The following PEAK1 variants were observed in gnomAD, a reference collection of about 807,000 sequenced individuals.
PEAK1 encodes inactive tyrosine-protein kinase PEAK1.
In PEAK1, 54 loss-of-function variants were observed where a neutral mutation model predicts 124.7. The observed-to-expected ratio is 0.43, with a 90% CI of 0.35 to 0.54. The LOEUF is 0.54. PEAK1 is among the 20% of genes least tolerant of loss of function. The probability of loss-of-function intolerance (pLI) is 0.01; values close to 1 mark genes in which losing one functional copy is unlikely to be tolerated. For missense variants in PEAK1, 2,046 were observed against 2,134.5 expected (o/e 0.96, Z 0.82); for synonymous variants, 719 against 760.0 (o/e 0.95, Z 0.89).
intron 1 of PEAK1, among the ~76,000 whole-genome samples, chr15:77,409,400 G>C (rs2072211096): frequency 6.6e-6 from 1 of 151,992 alleles, no homozygotes; most frequent in South Asian, 2.1e-4. Flanking sequence ...AGAAAACTAA[G>C]GCACCAGGAA....
intron 6 of PEAK1, among the ~76,000 whole-genome samples, chr15:77,198,356 A>G (rs904648227): frequency 2.0e-5 from 3 of 152,228 alleles, no homozygotes; most frequent in Admixed American, 6.5e-5. Flanking sequence ...TAAACCTTAA[A>G]TAACACATAG....
intron 1 of PEAK1, among the ~76,000 whole-genome samples, chr15:77,386,363 A>G (rs927262412): frequency 1.3e-5 from 2 of 152,194 alleles, no homozygotes; most frequent in African/African-American, 4.8e-5. Flanking sequence ...TTCTTCATCA[A>G]TATTTGAATT....
At chr15:77,297,882 C>T (rs796278820) in intron 2 of PEAK1, among the ~76,000 whole-genome samples, 38 of 149,310 alleles carry the variant, frequency 2.5e-4, no homozygotes, top group African/African-American at 9.0e-4. Flanking sequence ...CAAGGTGAAA[C>T]CCCGTCTCTA....
At chr15:77,203,031 T>TAAAAAAA in intron 6 of PEAK1, among the ~76,000 whole-genome samples, 1 of 147,904 alleles carries the variant, frequency 6.8e-6, no homozygotes, top group African/African-American at 2.5e-5. Context: ...AGCCAGACCC[T>TAAAAAAA]GTCTCAGAAA....
chr15:77,287,954 C>CT (rs1364330043), intron 2 of PEAK1, among the ~76,000 whole-genome samples: 2 of 152,058 alleles, frequency 1.3e-5, no homozygotes, highest in Non-Finnish European at 2.9e-5. Flanking sequence ...AATTCCATCC[C>CT]TATTAATAGT....
At chr15:77,197,120 C>A (rs578143015) in intron 6 of PEAK1, among the ~76,000 whole-genome samples, 70 of 151,908 alleles carry the variant, frequency 4.6e-4, no homozygotes, top group Middle Eastern at 3.4e-3. Flanking sequence ...CCCATAGTGC[C>A]GGGATTACAG....
intron 6 of PEAK1, among the ~76,000 whole-genome samples, chr15:77,240,116 A>T (rs182260873): frequency 6.6e-5 from 10 of 152,316 alleles, no homozygotes; most frequent in African/African-American, 2.4e-4. Flanking sequence ...TACTAGCAAA[A>T]CACAGTGATG....
chr15:77,391,578 AAT>A (rs1366079161), intron 1 of PEAK1, among the ~76,000 whole-genome samples: 3 of 151,960 alleles, frequency 2.0e-5, no homozygotes, highest in South Asian at 4.1e-4. Context: ...AATGAAAAGC[AAT>A]ATGATTTGAT....
chr15:77,349,673 C>A, intron 2 of PEAK1: 3 of 984,710 alleles, frequency 3.0e-6, no homozygotes, highest in Non-Finnish European at 3.6e-6. Flanking sequence ...TTAATCAATC[C>A]TTTACATTGT....
chr15:77,414,597 C>CA (rs1170583835), intron 1 of PEAK1, among the ~76,000 whole-genome samples: 1 of 152,098 alleles, frequency 6.6e-6, no homozygotes, highest in Non-Finnish European at 1.5e-5. Context: ...ATCCTGGTTC[C>CA]ATCACTTGAC....
chr15:77,176,215 C>T (rs2056858999), intron 7 of PEAK1, among the ~76,000 whole-genome samples: 1 of 135,848 alleles, frequency 7.4e-6, no homozygotes, highest in South Asian at 2.3e-4. Flanking sequence ...AACTAACCTG[C>T]ACATTGTGCA....
chr15:77,207,366 A>C (rs1458856946), intron 6 of PEAK1, among the ~76,000 whole-genome samples: 2 of 152,208 alleles, frequency 1.3e-5, no homozygotes, highest in Admixed American at 1.3e-4. Context: ...ACAACCAACA[A>C]AATCTCAATT....
intron 8 of PEAK1, among the ~76,000 whole-genome samples, chr15:77,144,256 T>A (rs1300768214): frequency 6.6e-6 from 1 of 152,234 alleles, no homozygotes; most frequent in Non-Finnish European, 1.5e-5. Context: ...TTCCTATGAA[T>A]CACTCATTTC....
rs1328879286 is a variant in PEAK1 at position 77,214,358 on chromosome 15, TGTAATCCCA to T, written c.-114-32327_-114-32319del. On this transcript the variant is annotated intron_variant, in intron 6 of 9. Coordinates refer to ENST00000682557, the MANE Select transcript of PEAK1 (RefSeq NM_001385026.1). ...TAGGCTGGGCGCGGTGGCTCACGTC[TGTAATCCCA>T]GTACTTTGGGAGGCTGAGGTGGGCA... Among the ~76,000 whole-genome samples, 3 of 151,846 alleles carry T rather than the reference TGTAATCCCA, an allele frequency of 2.0e-5. 1 individual carries two copies. The highest frequency in any genetic ancestry group is 6.6e-5 in the Admixed American group (1 of 15,244).
intron 9 of PEAK1, among the ~76,000 whole-genome samples, chr15:77,128,224 C>T (rs915041561): frequency 6.6e-6 from 1 of 152,084 alleles, no homozygotes; most frequent in Non-Finnish European, 1.5e-5. Flanking sequence ...TGGGATTATA[C>T]CAGCAAAGAC....
chr15:77,230,388 C>G (rs774748842), intron 6 of PEAK1, among the ~76,000 whole-genome samples: 7 of 151,982 alleles, frequency 4.6e-5, no homozygotes, highest in Non-Finnish European at 8.8e-5. Context: ...TTAGTAGAGA[C>G]AGGGTTTCAC....
At chr15:77,282,392 A>G (rs1253710857) in intron 5 of PEAK1, among the ~76,000 whole-genome samples, 3 of 152,340 alleles carry the variant, frequency 2.0e-5, no homozygotes, top group Admixed American at 6.5e-5. Flanking sequence ...ATTTGTCAAC[A>G]TGACTCATTA....
rs1212310181 is a variant in PEAK1, at chr15:77,181,728, T to C, written c.199A>G (p.Lys67Glu). Residue 67 changes from lysine (K) to glutamate (E), a missense_variant, in exon 7 of 10, where the codon AAA becomes GAA. Physicochemically the swap from Lys to Glu is moderately conservative, Grantham distance 56 (BLOSUM62 1). Coordinates refer to ENST00000682557, the MANE Select transcript of PEAK1 (RefSeq NM_001385026.1). ...NTGNFRPPVAKKPTIAVKPTM... is the reference protein window; with the variant it reads ...NTGNFRPPVAEKPTIAVKPTM... The stretch of plus-strand genomic sequence containing the variant: ...GGCTTCACAGCTATAGTGGGTTTTT[T>C]AGCCACAGGAGGCCGGAAATTGCCC... 8 of 1,614,138 alleles carry C rather than the reference T, an allele frequency of 5.0e-6. No homozygotes were observed. Among genetic ancestry groups the C allele is most frequent in the Non-Finnish European group, 6.8e-6 (8 of 1,180,014 alleles).
intron 2 of PEAK1, among the ~76,000 whole-genome samples, chr15:77,315,363 T>C (rs2064804584): frequency 6.6e-6 from 1 of 152,198 alleles, no homozygotes; most frequent in Non-Finnish European, 1.5e-5. Flanking sequence ...ATACATACCT[T>C]ACTAAACAAC....
Sources: gnomAD v4.1 joint callset for allele counts (sites outside exome capture counted in the v4.1 genomes callset) on GRCh38, gnomAD v4.1.1 for gene constraint, MANE v1.5 for transcripts, NCBI Gene and HGNC (gene_info 2026-07-23, HGNC 2026-07-21) for gene names.